The following PLA2G4A variants were observed in gnomAD, a reference collection of about 807,000 sequenced individuals.
PLA2G4A encodes the protein phospholipase A2 group IVA.
Under a neutral mutation model 81.9 loss-of-function variants are expected in PLA2G4A, and 40 were observed. The ratio of observed to expected loss-of-function variants is 0.49; its 90% CI spans 0.38 to 0.64. The LOEUF is 0.64. Among genes scored for constraint, PLA2G4A ranks in the 30% least tolerant of loss-of-function variants. The pLI is 0.00. For synonymous variants in PLA2G4A, 302 were observed against 296.9 expected, an observed-to-expected ratio of 1.02 and a Z score of -0.18; for missense variants, 715 against 905.1, an observed-to-expected ratio of 0.79 and a Z score of 2.69.
chr1:186,878,221 ATATTTTATATATATCTATATAAATATGTC>A (rs1332958892), intron 3 of PLA2G4A, among the ~76,000 whole-genome samples: 3 of 142,594 alleles, frequency 2.1e-5, no homozygotes, highest in Admixed American at 7.1e-5. Context: ...CTTTTCTGAT[ATATTTTATATATATCTATATAAATATGTC>A]TTTTCTGATA....
At chr1:186,872,285 C>T (rs1218386088) in intron 3 of PLA2G4A, among the ~76,000 whole-genome samples, 2 of 152,026 alleles carry the variant, frequency 1.3e-5, no homozygotes. Context: ...AGAAAGGCCC[C>T]TGCGAAAGAG....
chr1:186,903,243 GA>G lies in PLA2G4A; in HGVS notation c.379-3712del, dbSNP rs200437029. On this transcript the variant is annotated intron_variant, in intron 5 of 17. Transcript: ENST00000367466. ...ATTAATTGCTGTTTGTTTCTACCTAGAAAAAAAAAAGAGTAAATTAGGGATC... is the reference window on the plus strand; with the variant it reads ...ATTAATTGCTGTTTGTTTCTACCTAGAAAAAAAAAGAGTAAATTAGGGATC... Among the ~76,000 whole-genome samples, 843 of 145,834 alleles carry G rather than the reference GA, an allele frequency of 5.8e-3. 33 individuals are homozygous for G. In the East Asian group the frequency reaches 0.081, roughly 14 times the overall value.
At chr1:186,851,642 T>G (rs1188823631) in intron 1 of PLA2G4A, among the ~76,000 whole-genome samples, 1 of 151,976 alleles carries the variant, frequency 6.6e-6, no homozygotes, top group Non-Finnish European at 1.5e-5. Context: ...TAATGGGAAG[T>G]GCTGAATCGT....
chr1:186,889,266 G>A (rs1383287392), intron 3 of PLA2G4A, among the ~76,000 whole-genome samples: 1 of 152,174 alleles, frequency 6.6e-6, no homozygotes, highest in Non-Finnish European at 1.5e-5. Context: ...GTCTAAAATA[G>A]GATATCAAAA....
At chr1:186,887,765 A>G (rs925058817) in intron 3 of PLA2G4A, among the ~76,000 whole-genome samples, 2 of 152,162 alleles carry the variant, frequency 1.3e-5, no homozygotes, top group African/African-American at 2.4e-5. Context: ...AAACTTCTCT[A>G]AAGTATTGGG....
chr1:186,919,376 G>A (rs966702786), intron 7 of PLA2G4A, among the ~76,000 whole-genome samples: 2 of 152,132 alleles, frequency 1.3e-5, no homozygotes, highest in Non-Finnish European at 2.9e-5. Context: ...TGAATCCCAG[G>A]TAGCGTACCT....
intron 1 of PLA2G4A, among the ~76,000 whole-genome samples, chr1:186,838,474 T>C (rs1651867841): frequency 6.6e-6 from 1 of 152,170 alleles, no homozygotes; most frequent in African/African-American, 2.4e-5. Flanking sequence ...TACTAGGAAG[T>C]AGTCCAAAAT....
intron 1 of PLA2G4A, among the ~76,000 whole-genome samples, chr1:186,847,292 G>A (rs1652210382): frequency 6.6e-6 from 1 of 151,376 alleles, no homozygotes; most frequent in Non-Finnish European, 1.5e-5. Flanking sequence ...ATTATGATCT[G>A]GTGTCATTTC....
At chr1:186,965,914 A>G (rs1360257227) in intron 15 of PLA2G4A, among the ~76,000 whole-genome samples, 1 of 152,114 alleles carries the variant, frequency 6.6e-6, no homozygotes, top group Non-Finnish European at 1.5e-5. Flanking sequence ...TGGAGAGGGT[A>G]CACCCTGAGA....
intron 17 of PLA2G4A, among the ~76,000 whole-genome samples, chr1:186,980,710 A>G (rs996161589): frequency 1.7e-4 from 26 of 152,184 alleles, no homozygotes; most frequent in African/African-American, 6.3e-4. Flanking sequence ...GCCTGAGACT[A>G]GTAATATCAA....
rs115954499 is a variant in PLA2G4A, at chr1:186,843,769, G to A, written c.-69-10517G>A. 1.9e-3 allele frequency among the ~76,000 whole-genome samples: 287 copies of A among 152,202 alleles called. 2 individuals carry two copies. The highest frequency in any genetic ancestry group is 6.7e-3 in the African/African-American group (278 of 41,518). ...TCCAACGTCATGGCCTTTTCCTAGAGGAAATGTTTCCACTTCCTCTTACTA... is the reference window on the plus strand; with the variant it reads ...TCCAACGTCATGGCCTTTTCCTAGAAGAAATGTTTCCACTTCCTCTTACTA... On this transcript the variant is annotated intron_variant, in intron 1 of 17. Transcript: ENST00000367466.
intron 1 of PLA2G4A, among the ~76,000 whole-genome samples, chr1:186,837,496 G>A (rs1651821336): frequency 6.6e-6 from 1 of 151,702 alleles, no homozygotes; most frequent in South Asian, 2.1e-4. Flanking sequence ...TTGGGAGGCC[G>A]AGGCAGGCGG....
Position 186,965,582 on chromosome 1 carries a change from C to T in PLA2G4A, c.1753C>T (p.Pro585Ser). ...TTCTGCAAGGCCAAGTGACTCTAGT[C>T]CTCCGTTCAAGGTAAGGATACATAA... ...DFSARPSDSS[P>S]PFKELLLAEK... Residue 585 changes from proline (P) to serine (S), a missense_variant, in exon 15 of 18, where the codon CCT (proline) becomes TCT (serine). Physicochemically the swap from Pro to Ser is moderately conservative, Grantham distance 74. Coordinates refer to ENST00000367466, the MANE Select transcript of PLA2G4A (RefSeq NM_024420.3). 6.2e-7 allele frequency: 1 copy of T among 1,609,818 alleles called. No homozygotes were observed. The highest frequency in any genetic ancestry group is 1.1e-5 in the South Asian group (1 of 90,988).
At chr1:186,950,604 A>G in intron 12 of PLA2G4A, 53 bp from the exon 13 acceptor site, 2 of 946,926 alleles carry the variant, frequency 2.1e-6, no homozygotes, top group Non-Finnish European at 1.7e-6. Context: ...ATTAAAATTA[A>G]TTGTTAATTT....
intron 1 of PLA2G4A, among the ~76,000 whole-genome samples, chr1:186,842,559 G>A (rs527787269): frequency 6.6e-6 from 1 of 152,276 alleles, no homozygotes; most frequent in South Asian, 2.1e-4. Flanking sequence ...TTGGGGATAA[G>A]TCCTCATTAA....
chr1:186,966,418 G>A (rs1000756686), intron 15 of PLA2G4A, among the ~76,000 whole-genome samples: 1 of 152,090 alleles, frequency 6.6e-6, no homozygotes, highest in South Asian at 2.1e-4. Context: ...AAATGTCTAC[G>A]CTGGGGGAAA....
chr1:186,966,994 A>G (rs1280838374), intron 15 of PLA2G4A, among the ~76,000 whole-genome samples: 2 of 152,146 alleles, frequency 1.3e-5, no homozygotes, highest in Admixed American at 1.3e-4. Flanking sequence ...ATGAAATGCT[A>G]TGAGAGAGAT....
At chr1:186,925,626 C>T (rs1246556118) in intron 7 of PLA2G4A, among the ~76,000 whole-genome samples, 2 of 152,170 alleles carry the variant, frequency 1.3e-5, no homozygotes, top group African/African-American at 4.8e-5. Context: ...TTTTAACTAA[C>T]ACTCTCCCAT....
At chr1:186,883,992 G>C (rs996783774) in intron 3 of PLA2G4A, among the ~76,000 whole-genome samples, 1 of 152,010 alleles carries the variant, frequency 6.6e-6, no homozygotes, top group Non-Finnish European at 1.5e-5. Context: ...TTTTTTTAAG[G>C]ATGCCCAATA....
Sources: allele counts gnomAD v4.1 joint callset (sites outside exome capture counted in the v4.1 genomes callset), GRCh38; gene constraint gnomAD v4.1.1; transcripts MANE v1.5; gene names NCBI Gene and HGNC (gene_info 2026-07-23, HGNC 2026-07-21).